NRG1: variants seen among roughly 807,000 people sequenced by gnomAD.
NRG1 encodes the protein neuregulin 1.
NRG1 carries 18 observed loss-of-function variants against 63.8 expected under a neutral mutation model. The ratio of observed to expected loss-of-function variants is 0.28; its 90% CI spans 0.19 to 0.42. The LOEUF (loss-of-function observed/expected upper bound fraction) is 0.42. Ranked by LOEUF, NRG1 falls within the 10% of genes least tolerant of loss-of-function variation. The pLI, the probability that NRG1 is intolerant of heterozygous loss-of-function variation, is 1.00. For missense variants in NRG1, 762 were observed against 814.7 expected (o/e 0.94, Z 0.79); for synonymous variants, 302 against 301.3 (o/e 1.00, Z -0.02).
intron 1 of NRG1, among the ~76,000 whole-genome samples, chr8:32,165,899 A>T (rs1455400299): frequency 6.6e-6 from 1 of 152,162 alleles, no homozygotes. Flanking sequence ...CTGTGAGCAC[A>T]TAGGTTTGCA....
intron 5 of NRG1, among the ~76,000 whole-genome samples, chr8:32,651,818 A>C (rs907082058): frequency 6.6e-6 from 1 of 152,126 alleles, no homozygotes; most frequent in Non-Finnish European, 1.5e-5. Flanking sequence ...TCCTTCTTCT[A>C]GTTCTTGGTA....
chr8:32,684,815 T>C (rs1360168394), intron 5 of NRG1, among the ~76,000 whole-genome samples: 1 of 149,972 alleles, frequency 6.7e-6, no homozygotes, highest in Non-Finnish European at 1.5e-5. Flanking sequence ...AGGTAGGTGG[T>C]ATAAAATTTT....
At chr8:31,764,121 A>T (rs573122281) in intron 1 of NRG1, among the ~76,000 whole-genome samples, 1 of 152,060 alleles carries the variant, frequency 6.6e-6, no homozygotes, top group East Asian at 1.9e-4. Flanking sequence ...CTTTTCTGAG[A>T]TTAGTCTTGC....
At chr8:31,766,093 C>T (rs1818026786) in intron 1 of NRG1, among the ~76,000 whole-genome samples, 1 of 152,138 alleles carries the variant, frequency 6.6e-6, no homozygotes, top group Admixed American at 6.5e-5. Context: ...GAAGCCTACA[C>T]TCCTCATTCA....
chr8:31,880,531 T>A lies in NRG1; in HGVS notation c.37+241100T>A, dbSNP rs183622936. Among the ~76,000 whole-genome samples the A allele has an allele frequency of 2.4e-4, 36 of 152,296 alleles. No individual in the cohort carries two copies. The East Asian group carries it at 5.0e-3, about 21-fold the overall frequency. ...GATTTTCTGTGAAGATTTTGTGAGA[T>A]CCTATATATTAAGCACCCAGTGCAT... On this transcript the variant is annotated intron_variant, in intron 1 of 10. Coordinates refer to the NRG1 transcript ENST00000519301.
At chr8:32,135,198 C>T (rs948776205) in intron 1 of NRG1, among the ~76,000 whole-genome samples, 1 of 152,014 alleles carries the variant, frequency 6.6e-6, no homozygotes, top group African/African-American at 2.4e-5. Flanking sequence ...AGCTTTATAG[C>T]CAGGCTAAGG....
intron 1 of NRG1, among the ~76,000 whole-genome samples, chr8:31,677,477 CAGA>C (rs1807836090): frequency 1.3e-5 from 2 of 151,996 alleles, no homozygotes; most frequent in African/African-American, 4.8e-5. Context: ...ACTTAATTGT[CAGA>C]ATCTGTTCTC....
intron 5 of NRG1, chr8:32,647,412 C>T (rs148649510): frequency 4.2e-5 from 41 of 985,342 alleles, no homozygotes; most frequent in Middle Eastern, 5.2e-4. Flanking sequence ...GCAGCTCCGT[C>T]GATCTATTTT....
At chr8:32,295,922 G>A (rs1854797829) in intron 1 of NRG1, among the ~76,000 whole-genome samples, 1 of 136,784 alleles carries the variant, frequency 7.3e-6, no homozygotes, top group African/African-American at 2.8e-5. Context: ...GGGTGACAGG[G>A]CAAGACTAGG....
rs919871100 is a variant in NRG1 at position 32,742,346 on chromosome 8, C to A, written c.633-329C>A. On this transcript the variant is annotated intron_variant, in intron 6 of 11. Coordinates refer to ENST00000356819, the Ensembl canonical transcript of NRG1. The surrounding 1 kb of genome is among the most constrained non-coding windows in gnomAD (Gnocchi z 4.2). ...CCAACCGAGAAACATTTTCTTCCAACGTGTGTGACCAAAGCCATCATATGG... is the reference window on the plus strand; with the variant it reads ...CCAACCGAGAAACATTTTCTTCCAAAGTGTGTGACCAAAGCCATCATATGG... Among the ~76,000 whole-genome samples the A allele has an allele frequency of 3.3e-5, 5 of 151,996 alleles. No homozygotes were observed. The highest frequency in any genetic ancestry group is 5.9e-5 in the Non-Finnish European group (4 of 67,996).
chr8:31,785,858 C>T (rs760217218), intron 1 of NRG1, among the ~76,000 whole-genome samples: 8 of 152,086 alleles, frequency 5.3e-5, no homozygotes, highest in Non-Finnish European at 7.4e-5. Context: ...TGGATACCTC[C>T]GTTGCACAAG....
At chr8:31,787,891 C>T (rs1404729074) in intron 1 of NRG1, among the ~76,000 whole-genome samples, 2 of 152,088 alleles carry the variant, frequency 1.3e-5, no homozygotes, top group African/African-American at 4.8e-5. Flanking sequence ...CAATAGCTAG[C>T]ATTTGTTGAA....
chr8:32,635,744 G>A lies in NRG1; in HGVS notation c.502+18859G>A, dbSNP rs973834544. On this transcript the variant is annotated intron_variant, in intron 5 of 11. Coordinates refer to ENST00000356819, the Ensembl canonical transcript of NRG1. ...TTCTTTTGCATTGCCAAATGCTTAG[G>A]TACCTTGGAAAACTGCTTAATTGGT... is the stretch of plus-strand genomic sequence containing the variant. Among the ~76,000 whole-genome samples the A allele has an allele frequency of 1.1e-4, 16 of 152,116 alleles. 2 individuals carry two copies. Among genetic ancestry groups the A allele is most frequent in the Admixed American group, 9.2e-4 (14 of 15,268 alleles).
intron 1 of NRG1, among the ~76,000 whole-genome samples, chr8:31,796,306 G>C (rs1409085474): frequency 1.3e-5 from 2 of 150,308 alleles, no homozygotes; most frequent in African/African-American, 4.9e-5. Context: ...TATTCAGGTA[G>C]GATATCTATC....
intron 1 of NRG1, among the ~76,000 whole-genome samples, chr8:31,810,652 C>T (rs1350265291): frequency 6.6e-6 from 1 of 152,198 alleles, no homozygotes; most frequent in Non-Finnish European, 1.5e-5. Flanking sequence ...GGATTGCTCT[C>T]ATCCAGTTAT....
intron 11 of NRG1, among the ~76,000 whole-genome samples, chr8:32,762,793 T>C (rs574020383): frequency 5.3e-5 from 8 of 152,310 alleles, no homozygotes; most frequent in Non-Finnish European, 1.2e-4. Context: ...AAGCCACGTC[T>C]TCCTCAGTGC....
At chr8:31,769,017 T>TA (rs937140299) in intron 1 of NRG1, among the ~76,000 whole-genome samples, 30 of 151,916 alleles carry the variant, frequency 2.0e-4, no homozygotes, top group African/African-American at 6.5e-4. Flanking sequence ...CATCACATTA[T>TA]AAAAAAAAAT....
chr8:32,549,865 C>G (rs1207008085), intron 1 of NRG1, among the ~76,000 whole-genome samples: 1 of 152,204 alleles, frequency 6.6e-6, no homozygotes, highest in Non-Finnish European at 1.5e-5. Context: ...TTTTTTGCCT[C>G]TGCAATTCCC....
chr8:32,329,346 C>T (rs752261879), intron 1 of NRG1, among the ~76,000 whole-genome samples: 2 of 152,166 alleles, frequency 1.3e-5, no homozygotes, highest in East Asian at 3.9e-4. Flanking sequence ...AAAACTCAAA[C>T]CTTAAAGGAC....
Sources: gnomAD v4.1 joint callset for allele counts (sites outside exome capture counted in the v4.1 genomes callset) on GRCh38, gnomAD v4.1.1 for gene constraint, Gnocchi (gnomAD v3.1) non-coding constraint, MANE v1.5 for transcripts, NCBI Gene and HGNC (gene_info 2026-07-23, HGNC 2026-07-21) for gene names.